Variants in DTNA observed in about 807,000 individuals in gnomAD.
DTNA encodes dystrophin-related protein 3.
In DTNA, 43 loss-of-function variants were observed where a neutral mutation model predicts 100.7. That is an observed-to-expected ratio of 0.43 (90% confidence interval 0.33 to 0.55). DTNA has a LOEUF of 0.55. DTNA is among the 20% of genes least tolerant of loss of function. The pLI is 0.04. For missense variants in DTNA, 798 were observed against 953.9 expected, an observed-to-expected ratio of 0.84 and a Z score of 2.15; for synonymous variants, 349 against 347.9, an observed-to-expected ratio of 1.00 and a Z score of -0.04.
At chr18:34,585,978 G>T (rs1456232619) in intron 1 of DTNA, among the ~76,000 whole-genome samples, 1 of 152,186 alleles carries the variant, frequency 6.6e-6, no homozygotes. Context: ...GTGCTTCCCA[G>T]GTTCATGGAG....
intron 1 of DTNA, among the ~76,000 whole-genome samples, chr18:34,728,818 C>CCAAAT (rs1388981933): frequency 6.6e-6 from 1 of 152,144 alleles, no homozygotes; most frequent in African/African-American, 2.4e-5. Flanking sequence ...CCAGTAGCCC[C>CCAAAT]CAAATCACAC....
chr18:34,695,592 C>A (rs114052530), intron 1 of DTNA, among the ~76,000 whole-genome samples: 3 of 152,308 alleles, frequency 2.0e-5, no homozygotes, highest in African/African-American at 7.2e-5. Flanking sequence ...AGCCTTAATT[C>A]TGCACTAGCC....
chr18:34,864,550 G>A (rs2096673204), intron 17 of DTNA, among the ~76,000 whole-genome samples: 1 of 152,198 alleles, frequency 6.6e-6, no homozygotes, highest in Admixed American at 6.5e-5. Context: ...ACCGCGCCCG[G>A]CCTAGAACAC....
intron 1 of DTNA, among the ~76,000 whole-genome samples, chr18:34,518,534 T>TC (rs896398314): frequency 1.3e-5 from 2 of 152,094 alleles, no homozygotes; most frequent in Non-Finnish European, 1.5e-5. Context: ...TCTTTTTTTT[T>TC]CCTAAAAGTT....
chr18:34,815,223 A>G (rs1192166501), intron 6 of DTNA, among the ~76,000 whole-genome samples: 1 of 152,200 alleles, frequency 6.6e-6, no homozygotes, highest in East Asian at 1.9e-4. Flanking sequence ...ATACCATTAC[A>G]GTACATGTAT....
At chr18:34,848,264 T>C (rs1568757494) in intron 13 of DTNA, 32 bp from the exon 14 acceptor site, 1 of 1,609,128 alleles carries the variant, frequency 6.2e-7, no homozygotes, top group African/African-American at 1.3e-5. Flanking sequence ...CTCAGTTGCC[T>C]AACGGTCTCC....
In DTNA at chr18:34,884,786, A is replaced by G. The variant is rs761706914; in HGVS notation, c.*31+10A>G. On this transcript the variant is annotated intron_variant, in intron 22 of 22. Transcript: ENST00000444659. ...ATCACACTCCTCTCAAGTAAGTACC[A>G]TCTTATTTAGGAGGAATCATGGCCA... 6 of 1,613,872 alleles carry G rather than the reference A, an allele frequency of 3.7e-6. No homozygotes were observed. Among genetic ancestry groups the G allele is most frequent in the African/African-American group, 1.3e-5 (1 of 75,030 alleles).
chr18:34,581,280 C>CAAAACA (rs1567948069), intron 1 of DTNA, among the ~76,000 whole-genome samples: 3,157 of 96,394 alleles, frequency 0.033, 114 homozygotes, highest in African/African-American at 0.086. Flanking sequence ...AACAAAAAAA[C>CAAAACA]AAAACAAAAA....
chr18:34,659,426 C>T (rs776795862), intron 1 of DTNA, among the ~76,000 whole-genome samples: 20 of 152,130 alleles, frequency 1.3e-4, no homozygotes, highest in Non-Finnish European at 2.1e-4. Context: ...CGCATTTCAA[C>T]TGCTCAATAG....
At chr18:34,732,127 C>A (rs968620388) in intron 1 of DTNA, among the ~76,000 whole-genome samples, 3 of 152,326 alleles carry the variant, frequency 2.0e-5, no homozygotes, top group East Asian at 1.9e-4. Context: ...CTCACTAACA[C>A]CATGATCATT....
intron 3 of DTNA, among the ~76,000 whole-genome samples, chr18:34,782,987 C>T (rs1156747923): frequency 6.6e-6 from 1 of 152,138 alleles, no homozygotes; most frequent in Non-Finnish European, 1.5e-5. Context: ...AAGATGTGAG[C>T]TCTAAAAGCC....
chr18:34,880,992 A>G (rs1173942400), intron 20 of DTNA, among the ~76,000 whole-genome samples: 1 of 152,202 alleles, frequency 6.6e-6, no homozygotes, highest in Non-Finnish European at 1.5e-5. Flanking sequence ...AAAATCCAAG[A>G]CTATTGAGGC....
At chr18:34,543,801 G>A (rs1410644016) in intron 1 of DTNA, among the ~76,000 whole-genome samples, 1 of 151,984 alleles carries the variant, frequency 6.6e-6, no homozygotes, top group Non-Finnish European at 1.5e-5. Context: ...AGAAACAATT[G>A]GAATTTAATA....
chr18:34,610,387 A>C (rs1000718301), intron 1 of DTNA, among the ~76,000 whole-genome samples: 1 of 152,200 alleles, frequency 6.6e-6, no homozygotes, highest in Non-Finnish European at 1.5e-5. Context: ...AGAACAAATC[A>C]GTCTTAATGG....
intron 1 of DTNA, among the ~76,000 whole-genome samples, chr18:34,681,189 C>A (rs569255312): frequency 2.7e-4 from 41 of 152,162 alleles, no homozygotes; most frequent in Non-Finnish European, 1.8e-4. Flanking sequence ...TTTCTTTTAT[C>A]TTGATTGAAT....
chr18:34,845,654 G>T (rs922011998), intron 13 of DTNA, among the ~76,000 whole-genome samples: 1 of 152,126 alleles, frequency 6.6e-6, no homozygotes, highest in Non-Finnish European at 1.5e-5. Flanking sequence ...TTGTCTCTTT[G>T]TGGGGTAGTT....
intron 4 of DTNA, among the ~76,000 whole-genome samples, chr18:34,799,919 G>C (rs2095142032): frequency 6.6e-6 from 1 of 152,114 alleles, no homozygotes; most frequent in Non-Finnish European, 1.5e-5. Flanking sequence ...GGCGCTATAA[G>C]GAGTACTTTT....
At chr18:34,697,544 A>T (rs2080749888) in intron 1 of DTNA, among the ~76,000 whole-genome samples, 1 of 151,620 alleles carries the variant, frequency 6.6e-6, no homozygotes, top group Admixed American at 6.6e-5. Flanking sequence ...TGACATTGTT[A>T]GAAGGGGAGA....
intron 1 of DTNA, among the ~76,000 whole-genome samples, chr18:34,628,404 G>C (rs771462286): frequency 3.9e-5 from 6 of 152,158 alleles, no homozygotes; most frequent in Non-Finnish European, 8.8e-5. Context: ...TTGCCATAAG[G>C]ATCTTTAGAC....
Sources: allele counts gnomAD v4.1 joint callset (sites outside exome capture counted in the v4.1 genomes callset), GRCh38; gene constraint gnomAD v4.1.1; transcripts MANE v1.5; gene names NCBI Gene and HGNC (gene_info 2026-07-23, HGNC 2026-07-21).